The following ALK variants were observed in gnomAD, a reference collection of about 807,000 sequenced individuals.
ALK encodes the protein ALK receptor tyrosine kinase.
Under a neutral mutation model 163.1 loss-of-function variants are expected in ALK, and 74 were observed. The ratio of observed to expected loss-of-function variants is 0.45; its 90% CI spans 0.38 to 0.55. The LOEUF (loss-of-function observed/expected upper bound fraction) is 0.55. Ranked by LOEUF, ALK falls within the 20% of genes least tolerant of loss-of-function variation. ALK has a pLI of 0.00. For synonymous variants in ALK, 960 were observed against 843.2 expected, an observed-to-expected ratio of 1.14 and a Z score of -2.40; for missense variants, 2,063 against 2,105.3, an observed-to-expected ratio of 0.98 and a Z score of 0.39.
chr2:29,233,547 T>C lies in ALK; in HGVS notation c.2487+18A>G, dbSNP rs540924646. ...GATGCACAGGAACCTGGTGGAAATC[T>C]GGCAGCACACACCATACCTTAAATA... On this transcript the variant is annotated intron_variant, in intron 14 of 28. Transcript: ENST00000389048. 2 of 1,614,186 alleles carry C rather than the reference T, an allele frequency of 1.2e-6. No homozygotes were observed. Among genetic ancestry groups the C allele is most frequent in the African/African-American group, 2.7e-5 (2 of 75,048 alleles).
intron 2 of ALK, among the ~76,000 whole-genome samples, chr2:29,715,779 A>G (rs1459677583): frequency 1.3e-5 from 2 of 152,222 alleles, no homozygotes; most frequent in East Asian, 1.9e-4. Flanking sequence ...CCAGATTTCA[A>G]TTATTTATAG....
chr2:29,320,202 G>A (rs1220581240), intron 7 of ALK, among the ~76,000 whole-genome samples: 3 of 152,230 alleles, frequency 2.0e-5, no homozygotes, highest in Non-Finnish European at 4.4e-5. Flanking sequence ...GACACGCAGG[G>A]TTTGTGGGGA....
At chr2:29,575,202 G>C (rs536213037) in intron 3 of ALK, among the ~76,000 whole-genome samples, 61 of 152,294 alleles carry the variant, frequency 4.0e-4, no homozygotes, top group African/African-American at 1.4e-3. Flanking sequence ...GTGTTGCGGG[G>C]GGAGGTGGAA....
intron 3 of ALK, among the ~76,000 whole-genome samples, chr2:29,614,502 A>G (rs1193023986): frequency 6.6e-6 from 1 of 152,204 alleles, no homozygotes; most frequent in Non-Finnish European, 1.5e-5. Context: ...CTGTAGACTG[A>G]CAGCATGTTC....
chr2:29,524,045 G>T (rs932269129), intron 4 of ALK, among the ~76,000 whole-genome samples: 1 of 152,072 alleles, frequency 6.6e-6, no homozygotes, highest in African/African-American at 2.4e-5. Flanking sequence ...CTGGGTGTGG[G>T]TGGAGGGCAG....
At chr2:29,619,208 A>T (rs530242656) in intron 3 of ALK, among the ~76,000 whole-genome samples, 1 of 152,306 alleles carries the variant, frequency 6.6e-6, no homozygotes. Context: ...AATGGGTGGA[A>T]GTTGGGATGA....
At chr2:29,871,009 C>A (rs545898292) in intron 1 of ALK, among the ~76,000 whole-genome samples, 1 of 152,180 alleles carries the variant, frequency 6.6e-6, no homozygotes, top group Non-Finnish European at 1.5e-5. Flanking sequence ...GACTGTTTTA[C>A]GCATCAGCCC....
chr2:29,401,679 G>T (rs1018292460), intron 4 of ALK, among the ~76,000 whole-genome samples: 8 of 152,152 alleles, frequency 5.3e-5, no homozygotes, highest in African/African-American at 1.9e-4. Context: ...AGTACCTTCA[G>T]ACCAAGTTCC....
At chr2:29,370,747 C>G (rs1668619061) in intron 5 of ALK, among the ~76,000 whole-genome samples, 1 of 152,178 alleles carries the variant, frequency 6.6e-6, no homozygotes, top group Non-Finnish European at 1.5e-5. Flanking sequence ...GGGTTGTAGC[C>G]TCACAGAGCC....
At chr2:29,453,286 C>T (rs968506022) in intron 4 of ALK, among the ~76,000 whole-genome samples, 2 of 152,130 alleles carry the variant, frequency 1.3e-5, no homozygotes, top group Non-Finnish European at 2.9e-5. Flanking sequence ...GGGTAGAGTG[C>T]AATGGCATGA....
intron 4 of ALK, among the ~76,000 whole-genome samples, chr2:29,506,740 C>A (rs907140779): frequency 1.0e-4 from 14 of 139,702 alleles, no homozygotes; most frequent in African/African-American, 3.3e-4. Context: ...AGCAAGACTC[C>A]GTCTCAAAAA....
chr2:29,372,435 C>T (rs1345022933), intron 5 of ALK, among the ~76,000 whole-genome samples: 1 of 152,148 alleles, frequency 6.6e-6, no homozygotes, highest in Non-Finnish European at 1.5e-5. Context: ...TTGTTTGTAT[C>T]AATTGTTAGT....
Position 29,696,093 on chromosome 2 carries a change from A to C in ALK, c.788-1079T>G, listed in dbSNP as rs535528558. Among the ~76,000 whole-genome samples the C allele has an allele frequency of 5.3e-5, 8 of 152,374 alleles. No individual in the cohort carries two copies. In the South Asian group the frequency reaches 1.7e-3, roughly 32 times the overall value. On this transcript the variant is annotated intron_variant, in intron 2 of 28. Transcript: ENST00000389048. ...TAAACAGACATGCCTACATATGTTT[A>C]CTGAGGCACTGTTCACGATAGCAAA...
chr2:29,208,542 G>C (rs1345953462), intron 25 of ALK, among the ~76,000 whole-genome samples: 2 of 152,190 alleles, frequency 1.3e-5, no homozygotes, highest in African/African-American at 4.8e-5. Flanking sequence ...GAGGAGAGGA[G>C]TGCGACGGAT....
In ALK at chr2:29,886,116, C is replaced by T. The variant is rs138278081; in HGVS notation, c.667+33877G>A. ...CCACTTCCACTTAATAAATAGTAAACGTATTTTCTCTTTTTTATAGTTGTG... is the reference window on the plus strand; with the variant it reads ...CCACTTCCACTTAATAAATAGTAAATGTATTTTCTCTTTTTTATAGTTGTG... On this transcript the variant is annotated intron_variant, in intron 1 of 28. Coordinates refer to ENST00000389048, the MANE Select transcript of ALK (RefSeq NM_004304.5). 1.3e-4 allele frequency among the ~76,000 whole-genome samples: 20 copies of T among 152,190 alleles called. No individual in the cohort carries two copies. In the East Asian group the frequency reaches 3.7e-3, roughly 28 times the overall value.
In ALK at chr2:29,209,883, G is replaced by A. The variant is rs750800690; in HGVS notation, c.3744-5C>T. 1.9e-6 allele frequency: 3 copies of A among 1,613,148 alleles called. No individual in the cohort carries two copies. The Admixed American group carries it at 5.0e-5, about 27-fold the overall frequency. ...CAGTTTCTGGCAGCAATGTCTCTGGGAAGAAAGGAAATGCATTTCCTAATT... is the reference window on the plus strand; with the variant it reads ...CAGTTTCTGGCAGCAATGTCTCTGGAAAGAAAGGAAATGCATTTCCTAATT... On this transcript the variant is annotated splice_region_variant and splice_polypyrimidine_tract_variant and intron_variant, in intron 24 of 28. Transcript: ENST00000389048.
At chr2:29,270,288 C>T (rs984099113) in intron 11 of ALK, among the ~76,000 whole-genome samples, 1 of 152,328 alleles carries the variant, frequency 6.6e-6, no homozygotes, top group East Asian at 1.9e-4. Flanking sequence ...GCCTTTTACA[C>T]AAGTTGTCTA....
intron 1 of ALK, among the ~76,000 whole-genome samples, chr2:29,739,029 G>T (rs543912302): frequency 5.5e-4 from 83 of 151,766 alleles, no homozygotes; most frequent in South Asian, 4.2e-3. Context: ...TTGAGACCAG[G>T]AGTTCAAGAC....
intron 1 of ALK, among the ~76,000 whole-genome samples, chr2:29,740,937 G>C (rs546281652): frequency 5.7e-4 from 87 of 152,320 alleles, no homozygotes; most frequent in African/African-American, 1.9e-3. Context: ...AGGAGGCAGA[G>C]GTTGCAGTGA....
Sources: gnomAD v4.1 joint callset for allele counts (sites outside exome capture counted in the v4.1 genomes callset) on GRCh38, gnomAD v4.1.1 for gene constraint, MANE v1.5 for transcripts, NCBI Gene and HGNC (gene_info 2026-07-23, HGNC 2026-07-21) for gene names.